The following ABI2 variants were observed in gnomAD, a reference collection of about 807,000 sequenced individuals.
The protein encoded by ABI2 is abelson interactor 2.
In ABI2, 25 loss-of-function variants were observed where a neutral mutation model predicts 59.2. The observed-to-expected ratio is 0.42, with a 90% CI of 0.31 to 0.59. The LOEUF (loss-of-function observed/expected upper bound fraction) is 0.59. Among genes scored for constraint, ABI2 ranks in the 20% least tolerant of loss-of-function variants. The pLI, the probability that ABI2 is intolerant of heterozygous loss-of-function variation, is 0.14. For missense variants in ABI2, 545 were observed against 681.8 expected (o/e 0.80, Z 2.23); for synonymous variants, 213 against 235.5 (o/e 0.90, Z 0.87).
chr2:203,371,727 G>C (rs534821269), intron 2 of ABI2, among the ~76,000 whole-genome samples: 6 of 152,066 alleles, frequency 3.9e-5, no homozygotes, highest in Middle Eastern at 3.4e-3. Context: ...TAATTTTACT[G>C]AATACTTGTA....
At chr2:203,331,871 G>T (rs1481196056) in intron 1 of ABI2, among the ~76,000 whole-genome samples, 1 of 148,532 alleles carries the variant, frequency 6.7e-6, no homozygotes, top group African/African-American at 2.5e-5. Context: ...GTGCAGTGGC[G>T]CGATCTCAGC....
chr2:203,361,333 G>A (rs1227733387), intron 1 of ABI2, among the ~76,000 whole-genome samples: 1 of 152,140 alleles, frequency 6.6e-6, no homozygotes, highest in Non-Finnish European at 1.5e-5. Context: ...AGTAATGGAT[G>A]CTGAACAAGA....
intron 1 of ABI2, chr2:203,351,733 A>G (rs1279315879): frequency 3.2e-6 from 1 of 312,844 alleles, no homozygotes; most frequent in East Asian, 1.0e-4. Flanking sequence ...CCAGCATCTC[A>G]CTTCATTGCT....
rs778360268 is a variant in ABI2 at position 203,427,401 on chromosome 2, G to A, written c.*49G>A. On this transcript the variant is annotated 3_prime_UTR_variant, in exon 12 of 12. Coordinates refer to ENST00000261018, the MANE Select transcript of ABI2 (RefSeq NM_001375670.1). Reference sequence around the variant, plus strand: ...TCACAGGAATAGTCAGGTCTTCCCAGATTATCTGAAGGCCCTGGGGATTCC... The same window carrying A: ...TCACAGGAATAGTCAGGTCTTCCCAAATTATCTGAAGGCCCTGGGGATTCC... The A allele has an allele frequency of 6.6e-7, 1 of 1,523,624 alleles. No homozygotes were observed. The highest frequency in any genetic ancestry group is 1.4e-5 in the African/African-American group (1 of 73,038). 94.4% of individuals were successfully genotyped at this position (1,523,624 alleles called of 1,614,324 possible).
chr2:203,388,504 G>A (rs1296897033), intron 4 of ABI2, among the ~76,000 whole-genome samples: 3 of 151,936 alleles, frequency 2.0e-5, no homozygotes, highest in African/African-American at 7.3e-5. Context: ...CCAACATGAC[G>A]AAACCCCATC....
chr2:203,365,015 T>C (rs2094203898), intron 1 of ABI2, among the ~76,000 whole-genome samples: 1 of 152,186 alleles, frequency 6.6e-6, no homozygotes, highest in African/African-American at 2.4e-5. Context: ...ATTACAGACA[T>C]GAACTGCCAC....
chr2:203,363,782 G>A (rs2093910456), intron 1 of ABI2, among the ~76,000 whole-genome samples: 1 of 148,842 alleles, frequency 6.7e-6, no homozygotes, highest in African/African-American at 2.5e-5. Flanking sequence ...CTTTTTTTTT[G>A]AGACAGAGTT....
intron 11 of ABI2, among the ~76,000 whole-genome samples, chr2:203,425,682 T>C (rs906148477): frequency 6.6e-6 from 1 of 152,242 alleles, no homozygotes; most frequent in African/African-American, 2.4e-5. Flanking sequence ...CATTTGGTTA[T>C]ATATTGAGAA....
At chr2:203,333,319 T>G (rs1314878624) in intron 1 of ABI2, among the ~76,000 whole-genome samples, 1 of 152,208 alleles carries the variant, frequency 6.6e-6, no homozygotes, top group Non-Finnish European at 1.5e-5. Context: ...ATATCAATAT[T>G]TTTGTAGAAA....
rs1418336191 is a variant in ABI2, at chr2:203,338,962, AAAT to A, written c.117+10333_117+10335del. The stretch of plus-strand genomic sequence containing the variant: ...TATATATATATATATATATATATAT[AAAT>A]ATATATATATATATATAAATATATA... On this transcript the variant is annotated intron_variant, in intron 1 of 11. Transcript: ENST00000261018. 1.2e-3 allele frequency among the ~76,000 whole-genome samples: 7 copies of A among 5,604 alleles called. No homozygotes were observed. The Admixed American group carries it at 0.017, about 14-fold the overall frequency. The allele number at this position is 5,604 out of a possible 152,430, so 3.7% of individuals were successfully genotyped here.
intron 9 of ABI2, among the ~76,000 whole-genome samples, chr2:203,403,742 GTTTTT>G (rs56123341): frequency 1.6e-4 from 15 of 95,302 alleles, no homozygotes; most frequent in African/African-American, 2.9e-4. Flanking sequence ...CTTTCTTTCT[GTTTTT>G]TTTTTTTTTT....
intron 1 of ABI2, chr2:203,351,785 T>C: frequency 3.7e-6 from 1 of 269,470 alleles, no homozygotes; most frequent in Non-Finnish European, 7.3e-6. Context: ...GTCCTCCCAC[T>C]GTGGCCTCCC....
At chr2:203,365,952 A>C (rs557532000) in intron 1 of ABI2, among the ~76,000 whole-genome samples, 2 of 152,048 alleles carry the variant, frequency 1.3e-5, no homozygotes, top group African/African-American at 2.4e-5. Flanking sequence ...TAATGCTTAC[A>C]GGACTTTATT....
At chr2:203,353,832 G>C (rs1013480715) in intron 1 of ABI2, among the ~76,000 whole-genome samples, 9 of 151,908 alleles carry the variant, frequency 5.9e-5, no homozygotes, top group African/African-American at 2.2e-4. Flanking sequence ...GTTTCTTCTG[G>C]TACTTGTCTC....
intron 11 of ABI2, among the ~76,000 whole-genome samples, chr2:203,418,103 C>G (rs2097988761): frequency 6.6e-6 from 1 of 151,862 alleles, no homozygotes; most frequent in Non-Finnish European, 1.5e-5. Context: ...GAAAAAAAGG[C>G]AAAAAGGAAA....
At chr2:203,374,892 G>A in intron 2 of ABI2, 1 of 450,766 alleles carries the variant, frequency 2.2e-6, no homozygotes. Context: ...ATTATCTGTG[G>A]TAATGGGAAA....
At chr2:203,351,228 A>C (rs2088135660) in intron 1 of ABI2, among the ~76,000 whole-genome samples, 1 of 152,120 alleles carries the variant, frequency 6.6e-6, no homozygotes, top group Admixed American at 6.6e-5. Context: ...CCAGTACTTC[A>C]GTGTTTTTAT....
chr2:203,343,954 A>C (rs1347736790), intron 1 of ABI2, among the ~76,000 whole-genome samples: 2 of 151,376 alleles, frequency 1.3e-5, no homozygotes, highest in African/African-American at 4.9e-5. Flanking sequence ...AAAAGACGAG[A>C]GAGACCCCGT....
intron 2 of ABI2, among the ~76,000 whole-genome samples, chr2:203,379,839 A>G (rs1194024775): frequency 2.0e-5 from 3 of 152,244 alleles, no homozygotes; most frequent in Non-Finnish European, 4.4e-5. Context: ...CAGATAAGCA[A>G]GTGAGCGGCA....
Sources: gnomAD v4.1 joint callset for allele counts (sites outside exome capture counted in the v4.1 genomes callset) on GRCh38, gnomAD v4.1.1 for gene constraint, MANE v1.5 for transcripts, NCBI Gene and HGNC (gene_info 2026-07-23, HGNC 2026-07-21) for gene names.